Variants in MCPH1 observed in about 807,000 individuals in gnomAD.
MCPH1 encodes microcephalin.
Under a neutral mutation model 84.5 loss-of-function variants are expected in MCPH1, and 104 were observed. The observed-to-expected ratio is 1.23, with a 90% CI of 1.05 to 1.45. The LOEUF (loss-of-function observed/expected upper bound fraction) is 1.45, where lower values mean the gene tolerates loss of function less well. Among genes scored for constraint, MCPH1 ranks in the 40% most tolerant of loss-of-function variants. MCPH1 has a pLI of 0.00. For missense variants in MCPH1, 1,498 were observed against 1,005.7 expected (o/e 1.49, Z -6.62); for synonymous variants, 514 against 366.8 (o/e 1.40, Z -4.58).
intron 6 of MCPH1, among the ~76,000 whole-genome samples, chr8:6,439,961 A>G (rs1297526720): frequency 6.6e-6 from 1 of 152,218 alleles, no homozygotes; most frequent in African/African-American, 2.4e-5. Flanking sequence ...ATCTGTGTAT[A>G]CATGAAAAAG....
chr8:6,591,067 T>G (rs1434641340), intron 12 of MCPH1, among the ~76,000 whole-genome samples: 1 of 152,146 alleles, frequency 6.6e-6, no homozygotes, highest in Non-Finnish European at 1.5e-5. Context: ...CCCGGTTAAT[T>G]GTGTATTTTT....
At chr8:6,500,151 G>T (rs1200504034) in intron 12 of MCPH1, 6 of 537,066 alleles carry the variant, frequency 1.1e-5, no homozygotes, top group Non-Finnish European at 2.0e-5. Context: ...GCAGTCCAAA[G>T]AAAATTTGAC....
At chr8:6,464,293 G>C (rs2515582) in intron 9 of MCPH1, among the ~76,000 whole-genome samples, 100,050 of 152,076 alleles carry the variant, frequency 0.66, 36,821 homozygotes, top group Non-Finnish European at 0.83. Context: ...AACAGGTGTG[G>C]GGTCCATCAG....
chr8:6,552,827 T>A (rs80044447), intron 12 of MCPH1, among the ~76,000 whole-genome samples: 1 of 151,792 alleles, frequency 6.6e-6, no homozygotes, highest in Non-Finnish European at 1.5e-5. Flanking sequence ...TTTTTTTTTT[T>A]AACTCACTCA....
chr8:6,475,443 C>G (rs1012031692), intron 9 of MCPH1, among the ~76,000 whole-genome samples: 3 of 152,244 alleles, frequency 2.0e-5, no homozygotes, highest in Admixed American at 1.3e-4. Context: ...GACCATCGCT[C>G]TGGTGCTCAG....
chr8:6,601,202 G>A (rs1586759235), intron 12 of MCPH1, among the ~76,000 whole-genome samples: 1 of 152,150 alleles, frequency 6.6e-6, no homozygotes, highest in Non-Finnish European at 1.5e-5. Flanking sequence ...GATTATTCCT[G>A]CAGCTTCCAC....
intron 10 of MCPH1, among the ~76,000 whole-genome samples, chr8:6,478,641 A>G (rs1808785820): frequency 1.3e-5 from 2 of 152,196 alleles, no homozygotes; most frequent in African/African-American, 2.4e-5. Flanking sequence ...CCTTGCAGAG[A>G]CACTTGTTAC....
At chr8:6,435,535 G>A (rs1385870618) in intron 4 of MCPH1, among the ~76,000 whole-genome samples, 1 of 152,110 alleles carries the variant, frequency 6.6e-6, no homozygotes, top group Non-Finnish European at 1.5e-5. Context: ...CAATCTGATT[G>A]GATCATGGAT....
At chr8:6,435,999 C>T (rs1312583546) in intron 4 of MCPH1, 49 bp from the exon 5 acceptor site, 4 of 1,606,090 alleles carry the variant, frequency 2.5e-6, no homozygotes, top group Middle Eastern at 1.7e-4. Context: ...TTTTCTCCTG[C>T]CTTAAGCAGT....
Position 6,560,018 on chromosome 8 carries a change from C to G in MCPH1, c.2214+60089C>G, listed in dbSNP as rs192108427. Among the ~76,000 whole-genome samples, 14 of 152,338 alleles carry G rather than the reference C, an allele frequency of 9.2e-5. No homozygotes were observed. In the East Asian group the frequency reaches 2.7e-3, roughly 29 times the overall value. ...CTTTTGATGATGTGAAACCTGCTTT[C>G]TTAGTCTAAGCTCCCTAGGCTATGC... is the stretch of plus-strand genomic sequence containing the variant. On this transcript the variant is annotated intron_variant, in intron 12 of 13. Transcript: ENST00000344683.
At chr8:6,575,624 A>T (rs952482142) in intron 12 of MCPH1, among the ~76,000 whole-genome samples, 1 of 152,228 alleles carries the variant, frequency 6.6e-6, no homozygotes, top group South Asian at 2.1e-4. Flanking sequence ...CCGAAAATTC[A>T]TGTTGAAGTC....
At chr8:6,517,059 C>G (rs1026176880) in intron 12 of MCPH1, among the ~76,000 whole-genome samples, 2 of 152,180 alleles carry the variant, frequency 1.3e-5, no homozygotes, top group African/African-American at 2.4e-5. Context: ...GTTAATTGGA[C>G]TATAAAACTT....
In MCPH1 at chr8:6,547,206, A is replaced by C. The variant is rs969346857; in HGVS notation, c.2214+47277A>C. On this transcript the variant is annotated intron_variant, in intron 12 of 13. Transcript: ENST00000344683. ...AGGTGAACTAGTTTTATACCATTAG[A>C]TTATACAGAAAAGTCAAATTTACTT... Among the ~76,000 whole-genome samples, 14 of 152,108 alleles carry C rather than the reference A, an allele frequency of 9.2e-5. No individual in the cohort carries two copies. The South Asian group carries it at 2.9e-3, about 32-fold the overall frequency.
chr8:6,476,743 C>T (rs1808510437), intron 9 of MCPH1, among the ~76,000 whole-genome samples: 1 of 152,152 alleles, frequency 6.6e-6, no homozygotes, highest in Admixed American at 6.5e-5. Flanking sequence ...TTTACTTCAC[C>T]TTGACTTTTC....
chr8:6,608,101 C>T (rs961588436), intron 12 of MCPH1, among the ~76,000 whole-genome samples: 2 of 152,112 alleles, frequency 1.3e-5, no homozygotes, highest in Admixed American at 1.3e-4. Flanking sequence ...GGACTCCAGC[C>T]TCAGCAGAGG....
intron 12 of MCPH1, among the ~76,000 whole-genome samples, chr8:6,556,053 T>G (rs1421971579): frequency 3.3e-5 from 5 of 152,180 alleles, no homozygotes; most frequent in Non-Finnish European, 7.3e-5. Context: ...AGGAGTGCCC[T>G]GCACTCGTCT....
Position 6,414,774 on chromosome 8 carries a change from A to C in MCPH1, c.124A>C (p.Thr42Pro). 1 of 1,613,754 alleles carries C rather than the reference A, an allele frequency of 6.2e-7. No homozygotes were observed. Among genetic ancestry groups the C allele is most frequent in the South Asian group, 1.1e-5 (1 of 91,020 alleles). The change falls in exon 3 of 14, where the codon ACT becomes CCT. Residue 42 changes from threonine to proline, a missense_variant. Transcript: ENST00000344683. ...LVDMGAKVSKTFNKQVTHVIF... is the reference protein window; with the variant it reads ...LVDMGAKVSKPFNKQVTHVIF... Reference sequence around the variant, plus strand: ...TGCATTTTGTCTACAGGTTTCAAAAACTTTTAACAAACAAGTAACTCACGT... The same window carrying C: ...TGCATTTTGTCTACAGGTTTCAAAACCTTTTAACAAACAAGTAACTCACGT...
intron 3 of MCPH1, among the ~76,000 whole-genome samples, chr8:6,429,435 A>C (rs377147133): frequency 4.5e-4 from 68 of 150,818 alleles, no homozygotes; most frequent in African/African-American, 1.6e-3. Context: ...CTGTGGCTTC[A>C]CCTGCGCCTC....
chr8:6,588,885 G>GA (rs1828218122), intron 12 of MCPH1, among the ~76,000 whole-genome samples: 1 of 152,224 alleles, frequency 6.6e-6, no homozygotes, highest in Non-Finnish European at 1.5e-5. Flanking sequence ...GAAAAGACTC[G>GA]AAAGGGGGCT....
Sources: gnomAD v4.1 joint callset for allele counts (sites outside exome capture counted in the v4.1 genomes callset) on GRCh38, gnomAD v4.1.1 for gene constraint, MANE v1.5 for transcripts, NCBI Gene and HGNC (gene_info 2026-07-23, HGNC 2026-07-21) for gene names.